The following PPP4R4 variants were observed in gnomAD, a reference collection of about 807,000 sequenced individuals.
PPP4R4 encodes the protein protein phosphatase 4 regulatory subunit 4, also known as serine/threonine-protein phosphatase 4 regulatory subunit 4.
A neutral mutation model predicts 121.8 loss-of-function variants in PPP4R4; 70 were observed. The observed-to-expected ratio is 0.57, with a 90% CI of 0.47 to 0.70. PPP4R4 has a LOEUF of 0.70. Among genes scored for constraint, PPP4R4 ranks in the 30% least tolerant of loss-of-function variants. The pLI, the probability that PPP4R4 is intolerant of heterozygous loss-of-function variation, is 0.00. For missense variants in PPP4R4, 875 were observed against 1,033.6 expected (o/e 0.85, Z 2.10); for synonymous variants, 348 against 355.7 (o/e 0.98, Z 0.24).
intron 7 of PPP4R4, among the ~76,000 whole-genome samples, chr14:94,237,167 C>G (rs1892389960): frequency 6.6e-6 from 1 of 152,012 alleles, no homozygotes; most frequent in African/African-American, 2.4e-5. Context: ...ATAATTTATA[C>G]CCTGAAATCT....
intron 7 of PPP4R4, 42 bp downstream of exon 7, chr14:94,234,711 A>G (rs1248604736): frequency 8.1e-6 from 11 of 1,357,826 alleles, no homozygotes; most frequent in Non-Finnish European, 1.2e-5. Flanking sequence ...CCATGAAAAC[A>G]TGCCATTGAA....
intron 23 of PPP4R4, among the ~76,000 whole-genome samples, chr14:94,273,672 A>C (rs151127014): frequency 6.6e-6 from 1 of 152,244 alleles, no homozygotes; most frequent in African/African-American, 2.4e-5. Context: ...CACTGGTGGG[A>C]GACATTGAAG....
At chr14:94,267,152 C>A in intron 23 of PPP4R4, 123 bp downstream of exon 23, 3 of 585,966 alleles carry the variant, frequency 5.1e-6, no homozygotes, top group South Asian at 3.1e-5. Flanking sequence ...TTATCAGGTC[C>A]CTAAGAAATT....
chr14:94,197,446 G>T (rs1241557633), intron 2 of PPP4R4, among the ~76,000 whole-genome samples: 1 of 152,082 alleles, frequency 6.6e-6, no homozygotes, highest in Non-Finnish European at 1.5e-5. Flanking sequence ...TAGTTGCTCT[G>T]TTTTTAATGA....
At chr14:94,222,738 G>C (rs1286110558) in intron 3 of PPP4R4, among the ~76,000 whole-genome samples, 1 of 151,824 alleles carries the variant, frequency 6.6e-6, no homozygotes, top group Non-Finnish European at 1.5e-5. Flanking sequence ...TAGATTTCTA[G>C]AAATATGGAG....
In PPP4R4 at chr14:94,230,594, T is replaced by C; in HGVS notation, c.302T>C (p.Leu101Pro). ...CTCTTTCTGATTATACAGGAAGCCC[T>C]GCATGTTGCAGGAGTGGAAATGCAG... ...RRVLPKVREA[L>P]HVAGVEMQLT... is the part of the protein sequence containing the mutation. Residue 101 changes from leucine to proline, a missense_variant, in exon 4 of 25, where the codon CTG becomes CCG. Transcript: ENST00000304338. 1.2e-6 allele frequency: 2 copies of C among 1,611,568 alleles called. No homozygotes were observed. The highest frequency in any genetic ancestry group is 2.2e-5 in the East Asian group (1 of 44,868).
intron 2 of PPP4R4, among the ~76,000 whole-genome samples, chr14:94,190,170 A>C (rs1490153591): frequency 6.6e-6 from 1 of 151,222 alleles, no homozygotes; most frequent in Non-Finnish European, 1.5e-5. Flanking sequence ...GTGTGCCACC[A>C]CACCTGGTTT....
At position 94,246,451 on chromosome 14, in the gene PPP4R4, A is replaced by C; in HGVS notation, c.1523A>C (p.Gln508Pro). The C allele has an allele frequency of 6.2e-7, 1 of 1,614,168 alleles. No homozygotes were observed. The highest frequency in any genetic ancestry group is 8.5e-7 in the Non-Finnish European group (1 of 1,179,978). Residue 508 changes from glutamine (Q) to proline (P), a missense_variant, in exon 14 of 25, where the codon CAG becomes CCG. Gln to Pro is a moderately conservative substitution (Grantham distance 76, BLOSUM62 -1). Coordinates refer to ENST00000304338, the MANE Select transcript of PPP4R4 (RefSeq NM_058237.2). ...LKWRTHEKLL[Q>P]KYACLPHVIS... ...TGGAGAACTCATGAGAAGCTACTTCAGAAATATGCCTGCCTGCCACATGTC... is the reference window on the plus strand; with the variant it reads ...TGGAGAACTCATGAGAAGCTACTTCCGAAATATGCCTGCCTGCCACATGTC...
At chr14:94,178,868 G>A (rs1888820307) in intron 2 of PPP4R4, among the ~76,000 whole-genome samples, 1 of 152,108 alleles carries the variant, frequency 6.6e-6, no homozygotes, top group Non-Finnish European at 1.5e-5. Context: ...CTTAAAACAT[G>A]TGAGTGATTT....
chr14:94,238,907 A>C (rs912061319), intron 8 of PPP4R4, among the ~76,000 whole-genome samples: 2 of 152,170 alleles, frequency 1.3e-5, no homozygotes, highest in African/African-American at 2.4e-5. Flanking sequence ...TGAATGAATA[A>C]ATCTTTTTTC....
chr14:94,193,620 A>C (rs1392747044), intron 2 of PPP4R4, among the ~76,000 whole-genome samples: 1 of 152,160 alleles, frequency 6.6e-6, no homozygotes, highest in Non-Finnish European at 1.5e-5. Context: ...TCAGGCTGGC[A>C]AGGAGGAAAG....
chr14:94,182,882 TG>T (rs1889066168), intron 2 of PPP4R4, among the ~76,000 whole-genome samples: 1 of 152,208 alleles, frequency 6.6e-6, no homozygotes. Context: ...TTTGTACTTC[TG>T]CCAGCAGTGT....
intron 2 of PPP4R4, among the ~76,000 whole-genome samples, chr14:94,202,981 C>CAA (rs34939190): frequency 1.3e-3 from 187 of 143,508 alleles, no homozygotes; most frequent in East Asian, 8.5e-3. Flanking sequence ...GACTCCATCT[C>CAA]AAAAAAAAAA....
chr14:94,252,014 C>G, intron 16 of PPP4R4, 118 bp downstream of exon 16: 1 of 808,102 alleles, frequency 1.2e-6, no homozygotes, highest in Non-Finnish European at 1.9e-6. Context: ...TTTACACGTG[C>G]TTTGAAATTC....
intron 9 of PPP4R4, 69 bp downstream of exon 9, chr14:94,240,864 A>C: frequency 7.1e-7 from 1 of 1,405,956 alleles, no homozygotes; most frequent in Non-Finnish European, 9.3e-7. Flanking sequence ...TCAGTCATTA[A>C]ACTTTGGCTC....
chr14:94,248,139 G>A (rs896436728), intron 14 of PPP4R4, among the ~76,000 whole-genome samples: 2 of 152,190 alleles, frequency 1.3e-5, no homozygotes, highest in African/African-American at 2.4e-5. Flanking sequence ...CTTTGCTGAT[G>A]ATATGATTCT....
chr14:94,265,980 TA>T, intron 22 of PPP4R4, 93 bp downstream of exon 22: 2 of 931,436 alleles, frequency 2.1e-6, no homozygotes, highest in South Asian at 4.4e-5. Context: ...AAATCAGAAT[TA>T]ATTTTGAGGT....
intron 24 of PPP4R4, among the ~76,000 whole-genome samples, chr14:94,277,817 T>G (rs976105558): frequency 6.6e-6 from 1 of 152,106 alleles, no homozygotes; most frequent in African/African-American, 2.4e-5. Flanking sequence ...TATAATTGAT[T>G]AAAAAGTGAA....
At chr14:94,196,622 T>G (rs533107738) in intron 2 of PPP4R4, among the ~76,000 whole-genome samples, 11 of 152,206 alleles carry the variant, frequency 7.2e-5, no homozygotes, top group Admixed American at 5.9e-4. Context: ...CCTCAAATCT[T>G]TTTTATTTAA....
Sources: gnomAD v4.1 joint callset for allele counts (sites outside exome capture counted in the v4.1 genomes callset) on GRCh38, gnomAD v4.1.1 for gene constraint, MANE v1.5 for transcripts, NCBI Gene and HGNC (gene_info 2026-07-23, HGNC 2026-07-21) for gene names.